VTI1A: variants seen among roughly 807,000 people sequenced by gnomAD.
VTI1A encodes vesicle transport through interaction with t-SNAREs homolog 1A.
VTI1A carries 22 observed loss-of-function variants against 34.9 expected under a neutral mutation model. That is an observed-to-expected ratio of 0.63 (90% confidence interval 0.45 to 0.90). The LOEUF is 0.90. Ranked by LOEUF, VTI1A falls within the 40% of genes least tolerant of loss-of-function variation. The probability of loss-of-function intolerance (pLI) is 0.00; values close to 1 mark genes in which losing one functional copy is unlikely to be tolerated. For synonymous variants in VTI1A, 87 were observed against 97.3 expected (o/e 0.89, Z 0.62); for missense variants, 268 against 275.6 (o/e 0.97, Z 0.20).
chr10:112,730,190 T>C lies in VTI1A; in HGVS notation c.560+61192T>C, dbSNP rs756499173. ...TTATTTTAAAGGTGAAGATGGGCTTTTTAAGGGGGAGAGGTTACAGCTACC... is the reference window on the plus strand; with the variant it reads ...TTATTTTAAAGGTGAAGATGGGCTTCTTAAGGGGGAGAGGTTACAGCTACC... On this transcript the variant is annotated intron_variant, in intron 7 of 7. Coordinates refer to ENST00000393077, the MANE Select transcript of VTI1A (RefSeq NM_145206.4). Among the ~76,000 whole-genome samples, 91 of 152,242 alleles carry C rather than the reference T, an allele frequency of 6.0e-4. 1 individual carries two copies. Among genetic ancestry groups the C allele is most frequent in the Non-Finnish European group, 1.3e-4 (9 of 68,038 alleles).
chr10:112,685,691 A>G (rs751405518), intron 7 of VTI1A, among the ~76,000 whole-genome samples: 8 of 151,744 alleles, frequency 5.3e-5, no homozygotes, highest in Non-Finnish European at 1.2e-4. Flanking sequence ...TGTAGTATTG[A>G]TTTTTCCCAT....
intron 1 of VTI1A, among the ~76,000 whole-genome samples, chr10:112,459,105 C>A (rs2134037376): frequency 6.6e-6 from 1 of 152,268 alleles, no homozygotes; most frequent in African/African-American, 2.4e-5. Context: ...TCATTAGGCT[C>A]CCATGTGACA....
intron 7 of VTI1A, among the ~76,000 whole-genome samples, chr10:112,750,447 C>A (rs895084524): frequency 6.6e-6 from 1 of 152,118 alleles, no homozygotes; most frequent in South Asian, 2.1e-4. Context: ...AGCTCCTGGA[C>A]ACAAGCAATC....
At chr10:112,524,620 A>C (rs1259980208) in intron 3 of VTI1A, among the ~76,000 whole-genome samples, 2 of 152,170 alleles carry the variant, frequency 1.3e-5, no homozygotes, top group East Asian at 3.8e-4. Context: ...GATTCTAACC[A>C]AAACAAGATT....
chr10:112,805,462 G>A (rs542352483), intron 7 of VTI1A, among the ~76,000 whole-genome samples: 52 of 152,288 alleles, frequency 3.4e-4, no homozygotes, highest in Admixed American at 7.2e-4. Flanking sequence ...GACAGACTGC[G>A]TAGTCCCCAA....
the VTI1A span, among the ~76,000 whole-genome samples, chr10:112,830,849 A>ATATATATATTTTTTTTTTTTTTTT: frequency 9.0e-5 from 3 of 33,512 alleles, no homozygotes; most frequent in African/African-American, 4.3e-4. Context: ...ATATATATAT[A>ATATATATATTTTTTTTTTTTTTTT]TTTTTTTTTT....
At chr10:112,465,390 C>CAG (rs1036103969) in intron 3 of VTI1A, among the ~76,000 whole-genome samples, 5 of 152,026 alleles carry the variant, frequency 3.3e-5, no homozygotes, top group Admixed American at 2.0e-4. Context: ...AGCAGAGTCT[C>CAG]AGAGAGAGAT....
At chr10:112,546,546 G>A (rs1203833306) in intron 5 of VTI1A, among the ~76,000 whole-genome samples, 2 of 152,144 alleles carry the variant, frequency 1.3e-5, no homozygotes, top group Admixed American at 6.5e-5. Flanking sequence ...TCAGGAACAT[G>A]TGAGTAGGCA....
chr10:112,466,778 T>G (rs897015801), intron 3 of VTI1A, among the ~76,000 whole-genome samples: 4 of 152,144 alleles, frequency 2.6e-5, no homozygotes, highest in Non-Finnish European at 5.9e-5. Flanking sequence ...GACAACAAAG[T>G]ACCACAGACT....
At chr10:112,761,348 C>T (rs2134008175) in intron 7 of VTI1A, among the ~76,000 whole-genome samples, 1 of 152,268 alleles carries the variant, frequency 6.6e-6, no homozygotes, top group South Asian at 2.1e-4. Context: ...TAATTTCGGT[C>T]TAACAGCCTT....
At chr10:112,592,601 C>T (rs1044459996) in intron 5 of VTI1A, among the ~76,000 whole-genome samples, 8 of 152,206 alleles carry the variant, frequency 5.3e-5, no homozygotes, top group African/African-American at 1.4e-4. Flanking sequence ...TTGATCTATC[C>T]GTGCTTTGAT....
chr10:112,689,855 A>G (rs1848554852), intron 7 of VTI1A, among the ~76,000 whole-genome samples: 1 of 152,072 alleles, frequency 6.6e-6, no homozygotes, highest in Non-Finnish European at 1.5e-5. Context: ...TTGCTCCACC[A>G]CCACACATCA....
chr10:112,636,728 C>A (rs1158012286), intron 5 of VTI1A, among the ~76,000 whole-genome samples: 873 of 111,270 alleles, frequency 7.8e-3, no homozygotes, highest in South Asian at 9.1e-3. Flanking sequence ...GACTCGATCT[C>A]AAAAAAAAAA....
At chr10:112,650,691 A>T (rs1454133224) in intron 5 of VTI1A, among the ~76,000 whole-genome samples, 1 of 152,198 alleles carries the variant, frequency 6.6e-6, no homozygotes, top group South Asian at 2.1e-4. Flanking sequence ...GACAGCTACC[A>T]TGTCACTAGG....
chr10:112,459,442 C>T (rs913540068), intron 1 of VTI1A, among the ~76,000 whole-genome samples: 3 of 152,158 alleles, frequency 2.0e-5, no homozygotes, highest in Non-Finnish European at 4.4e-5. Context: ...ATCCCACCGC[C>T]CAACTCCCAG....
intron 5 of VTI1A, among the ~76,000 whole-genome samples, chr10:112,588,142 G>C (rs1020456958): frequency 6.6e-6 from 1 of 152,150 alleles, no homozygotes; most frequent in Non-Finnish European, 1.5e-5. Context: ...TGTGTGTTCA[G>C]CTTCTCTACA....
chr10:112,821,207 C>T (rs1036313902), downstream of VTI1A, among the ~76,000 whole-genome samples: 2 of 152,206 alleles, frequency 1.3e-5, no homozygotes, highest in African/African-American at 2.4e-5. Context: ...GGCCCTTTGG[C>T]GTGAATAATA....
intron 7 of VTI1A, among the ~76,000 whole-genome samples, chr10:112,774,297 TTCTCATAGTTCC>T (rs1198988113): frequency 1.3e-5 from 2 of 152,216 alleles, no homozygotes; most frequent in Non-Finnish European, 1.5e-5. Context: ...TGGAAGGTTC[TTCTCATAGTTCC>T]TCTCATAGTT....
intron 5 of VTI1A, among the ~76,000 whole-genome samples, chr10:112,598,569 GA>G (rs1234879197): frequency 1.3e-5 from 2 of 152,194 alleles, no homozygotes; most frequent in East Asian, 1.9e-4. Flanking sequence ...GTAATGGGGG[GA>G]AAGCATAACC....
Sources: allele counts gnomAD v4.1 joint callset (sites outside exome capture counted in the v4.1 genomes callset), GRCh38; gene constraint gnomAD v4.1.1; transcripts MANE v1.5; gene names NCBI Gene and HGNC (gene_info 2026-07-23, HGNC 2026-07-21).